ANTXR2: variants seen among roughly 807,000 people sequenced by gnomAD.
ANTXR2 encodes ANTXR cell adhesion molecule 2, also known as anthrax toxin receptor 2.
Under a neutral mutation model 73.7 loss-of-function variants are expected in ANTXR2, and 44 were observed. That is an observed-to-expected ratio of 0.60 (90% CI 0.47 to 0.77). The LOEUF (loss-of-function observed/expected upper bound fraction) is 0.77. Among genes scored for constraint, ANTXR2 ranks in the 30% least tolerant of loss-of-function variants. The probability of loss-of-function intolerance (pLI) is 0.00; values close to 1 mark genes in which losing one functional copy is unlikely to be tolerated. For synonymous variants in ANTXR2, 217 were observed against 205.9 expected (o/e 1.05, Z -0.46); for missense variants, 604 against 592.5 (o/e 1.02, Z -0.20).
At chr4:79,949,429 C>A (rs1270619188) in intron 16 of ANTXR2, among the ~76,000 whole-genome samples, 1 of 152,082 alleles carries the variant, frequency 6.6e-6, no homozygotes, top group Non-Finnish European at 1.5e-5. Flanking sequence ...GGTGGGTGAC[C>A]ATACTGTCAT....
Position 79,978,116 on chromosome 4 carries a change from T to G in ANTXR2, c.1238A>C (p.Asn413Thr), listed in dbSNP as rs770279892. ...TTCTTCAGGAATCTTCACCACAGCA[T>G]TTTTGGCTTTCTCTAGCCTTGCACC... Reference protein sequence around the residue: ...EEGARLEKAKNAVVKIPEETE... With the variant: ...EEGARLEKAKTAVVKIPEETE... Residue 413 changes from asparagine (N) to threonine (T), a missense_variant, in exon 15 of 17, where the codon AAT (asparagine) becomes ACT (threonine). Physicochemically the swap from Asn to Thr is moderately conservative, Grantham distance 65. Transcript: ENST00000403729. The G allele has an allele frequency of 1.9e-6, 3 of 1,613,920 alleles. No individual in the cohort carries two copies. Among genetic ancestry groups the G allele is most frequent in the East Asian group, 2.2e-5 (1 of 44,878 alleles).
intron 14 of ANTXR2, among the ~76,000 whole-genome samples, chr4:79,980,571 A>C (rs1005099953): frequency 3.3e-5 from 5 of 152,158 alleles, no homozygotes; most frequent in Admixed American, 3.3e-4. Flanking sequence ...TAATTTCCAG[A>C]GCATATTTGG....
chr4:79,932,525 G>GCCTGTAAT (rs1197185880), intron 16 of ANTXR2, among the ~76,000 whole-genome samples: 1 of 151,994 alleles, frequency 6.6e-6, no homozygotes, highest in African/African-American at 2.4e-5. Context: ...AGGAGTGGTG[G>GCCTGTAAT]CTCATGCCTG....
chr4:79,943,539 A>G (rs1025394281), intron 16 of ANTXR2, among the ~76,000 whole-genome samples: 4 of 80,820 alleles, frequency 4.9e-5, no homozygotes, highest in African/African-American at 2.0e-4. Flanking sequence ...GAACAATGAG[A>G]TCACATGGAC....
At chr4:80,045,911 T>C (rs1327808506) in intron 7 of ANTXR2, among the ~76,000 whole-genome samples, 8 of 151,810 alleles carry the variant, frequency 5.3e-5, no homozygotes, top group Admixed American at 2.0e-4. Flanking sequence ...ACAATTGCTA[T>C]TTTATAATCA....
intron 11 of ANTXR2, among the ~76,000 whole-genome samples, chr4:80,013,487 A>G (rs1422401474): frequency 6.6e-6 from 1 of 152,204 alleles, no homozygotes. Flanking sequence ...TTTATTTGTG[A>G]GATTTTAACA....
intron 16 of ANTXR2, among the ~76,000 whole-genome samples, chr4:79,962,477 A>G (rs1236435343): frequency 2.6e-5 from 4 of 152,170 alleles, no homozygotes; most frequent in Non-Finnish European, 5.9e-5. Context: ...AATAATAATG[A>G]AAGATAATAT....
intron 16 of ANTXR2, among the ~76,000 whole-genome samples, chr4:79,910,319 G>T (rs1727074032): frequency 6.6e-6 from 1 of 151,886 alleles, no homozygotes; most frequent in African/African-American, 2.4e-5. Flanking sequence ...GACCATCCTG[G>T]CCAACATGGT....
In ANTXR2 at chr4:79,918,506, G is replaced by C. The variant is rs138479594; in HGVS notation, c.1429-11039C>G. On this transcript the variant is annotated intron_variant, in intron 16 of 16. Transcript: ENST00000403729. ...AGAGGGAATGGTGATAAGCACGACA[G>C]TTGACTTTTTATTAAAAAACAATGA... Among the ~76,000 whole-genome samples the C allele has an allele frequency of 2.1e-4, 32 of 152,196 alleles. 1 individual carries two copies. In the East Asian group the frequency reaches 6.2e-3, roughly 29 times the overall value.
chr4:80,016,282 AT>A (rs1327495012), intron 11 of ANTXR2, among the ~76,000 whole-genome samples: 3 of 151,860 alleles, frequency 2.0e-5, no homozygotes, highest in African/African-American at 7.3e-5. Context: ...CCTTCCACTT[AT>A]TTCTACTCCA....
intron 14 of ANTXR2, among the ~76,000 whole-genome samples, chr4:79,978,783 G>C (rs962531094): frequency 6.6e-6 from 1 of 152,194 alleles, no homozygotes; most frequent in South Asian, 2.1e-4. Context: ...CAATTGGTTA[G>C]AATTTTACAA....
intron 7 of ANTXR2, among the ~76,000 whole-genome samples, chr4:80,044,094 A>G (rs764505831): frequency 1.1e-4 from 17 of 151,988 alleles, no homozygotes; most frequent in Non-Finnish European, 1.9e-4. Context: ...GAAGTTTCCT[A>G]TCTTGCTTGC....
chr4:79,978,542 AT>A (rs924578622), intron 14 of ANTXR2, among the ~76,000 whole-genome samples: 10 of 152,194 alleles, frequency 6.6e-5, no homozygotes, highest in Admixed American at 6.5e-4. Flanking sequence ...ACACATACCC[AT>A]ATGTAGTGAT....
At chr4:79,978,240 A>G in intron 14 of ANTXR2, 66 bp from the exon 15 acceptor site, 1 of 1,479,626 alleles carries the variant, frequency 6.8e-7, no homozygotes, top group South Asian at 1.3e-5. Flanking sequence ...GCTCTTATTG[A>G]GCCTATGGTC....
intron 11 of ANTXR2, among the ~76,000 whole-genome samples, chr4:80,011,371 A>T (rs1310078359): frequency 1.3e-5 from 2 of 151,918 alleles, no homozygotes; most frequent in Non-Finnish European, 2.9e-5. Context: ...CTATCTGATG[A>T]CTATTTCATT....
intron 12 of ANTXR2, among the ~76,000 whole-genome samples, chr4:80,004,255 T>C (rs1731197875): frequency 6.6e-6 from 1 of 152,022 alleles, no homozygotes; most frequent in South Asian, 2.1e-4. Context: ...TTCAGGGTTT[T>C]TGTTTTCTTT....
intron 7 of ANTXR2, among the ~76,000 whole-genome samples, chr4:80,040,788 G>A (rs1175189446): frequency 6.6e-6 from 1 of 150,470 alleles, no homozygotes; most frequent in Non-Finnish European, 1.5e-5. Flanking sequence ...ACACATATTG[G>A]CAAAGAACCT....
intron 12 of ANTXR2, among the ~76,000 whole-genome samples, chr4:79,993,760 G>GCGCGCGCGCGCGCGCACA (rs71662888): frequency 2.1e-5 from 3 of 140,658 alleles, no homozygotes; most frequent in Non-Finnish European, 4.8e-5. Flanking sequence ...ACACACACAC[G>GCGCGCGCGCGCGCGCACA]CACACACACA....
At chr4:79,921,751 T>TGTTG (rs56094047) in intron 16 of ANTXR2, among the ~76,000 whole-genome samples, 3 of 126,908 alleles carry the variant, frequency 2.4e-5, no homozygotes, top group African/African-American at 1.2e-4. Context: ...TTTGTTTGTT[T>TGTTG]GTTGGTTGGT....
Sources: allele counts gnomAD v4.1 joint callset (sites outside exome capture counted in the v4.1 genomes callset), GRCh38; gene constraint gnomAD v4.1.1; transcripts MANE v1.5; gene names NCBI Gene and HGNC (gene_info 2026-07-23, HGNC 2026-07-21).